The following SP140 variants were observed in gnomAD, a reference collection of about 807,000 sequenced individuals.
The protein encoded by SP140 is SP140 nuclear body protein.
A neutral mutation model predicts 125.0 loss-of-function variants in SP140; 81 were observed. The ratio of observed to expected loss-of-function variants is 0.65; its 90% CI spans 0.54 to 0.78. The LOEUF (loss-of-function observed/expected upper bound fraction) is 0.78, where lower values mean the gene tolerates loss of function less well. SP140 is among the 30% of genes least tolerant of loss of function. SP140 has a pLI of 0.00. For missense variants in SP140, 858 were observed against 1,037.0 expected, an observed-to-expected ratio of 0.83 and a Z score of 2.37; for synonymous variants, 312 against 354.0, an observed-to-expected ratio of 0.88 and a Z score of 1.33.
upstream of SP140, among the ~76,000 whole-genome samples, chr2:230,224,651 T>G (rs2046117291): frequency 6.6e-6 from 1 of 152,174 alleles, no homozygotes; most frequent in African/African-American, 2.4e-5. Flanking sequence ...GGGTAGAAAT[T>G]TCTTGCACTC....
At chr2:230,279,178 T>C (rs969397582) in intron 15 of SP140, among the ~76,000 whole-genome samples, 1 of 151,934 alleles carries the variant, frequency 6.6e-6, no homozygotes, top group African/African-American at 2.4e-5. Flanking sequence ...AATATACAAA[T>C]AAATGGAAAG....
At chr2:230,225,643 C>CCTCCCTTGACTGAGGA (rs1194010214), upstream of SP140, 1 of 631,364 alleles carries the variant, frequency 1.6e-6, no homozygotes, top group Non-Finnish European at 2.9e-6. Flanking sequence ...CTCTGCTCCT[C>CCTCCCTTGACTGAGGA]CTCCCTTGAC....
chr2:230,212,630 G>T (rs1467796279), intron 1 of SP140: 25 of 1,288,338 alleles, frequency 1.9e-5, no homozygotes, highest in Non-Finnish European at 2.6e-5. Context: ...CTTGAAAAGG[G>T]TTGTGTTTGG....
chr2:230,255,681 C>A, intron 12 of SP140, 149 bp downstream of exon 12: 1 of 698,240 alleles, frequency 1.4e-6, no homozygotes, highest in Non-Finnish European at 2.4e-6. Context: ...ATTTTCTGTA[C>A]ATGAATCTTT....
intron 11 of SP140, 77 bp downstream of exon 11, chr2:230,253,494 C>T (rs2149242136): frequency 1.9e-6 from 2 of 1,040,108 alleles, no homozygotes; most frequent in East Asian, 2.4e-5. Flanking sequence ...GCTTCCCTTT[C>T]TCCCATCCTA....
chr2:230,290,596 T>C, intron 19 of SP140, 32 bp downstream of exon 19: 1 of 1,528,768 alleles, frequency 6.5e-7, no homozygotes, highest in Non-Finnish European at 9.0e-7. Flanking sequence ...AATTTGCAGC[T>C]CCTATCTGAA....
chr2:230,187,944 C>CT, the SP140 span, among the ~76,000 whole-genome samples: 25 of 152,042 alleles, frequency 1.6e-4, no homozygotes, highest in African/African-American at 5.1e-4. Flanking sequence ...CAGATTTGTT[C>CT]TTTTTGCTTA....
chr2:230,236,355 A>G (rs1265182790), intron 1 of SP140, among the ~76,000 whole-genome samples: 1 of 152,210 alleles, frequency 6.6e-6, no homozygotes, highest in Non-Finnish European at 1.5e-5. Context: ...AGGTTCTGTA[A>G]TATCTCAGCC....
At chr2:230,294,403 G>A (rs1057405558) in intron 21 of SP140, 85 bp downstream of exon 21, 6 of 1,035,374 alleles carry the variant, frequency 5.8e-6, no homozygotes, top group Non-Finnish European at 8.9e-6. Flanking sequence ...GTCTGAAATT[G>A]GGTAGGAATA....
chr2:230,225,688 C>A, upstream of SP140: 1 of 699,142 alleles, frequency 1.4e-6, no homozygotes, highest in South Asian at 1.5e-5. Context: ...GGAGGGAGGA[C>A]TGTAGAGTTG....
At chr2:230,266,848 C>T (rs2053202275) in intron 12 of SP140, among the ~76,000 whole-genome samples, 1 of 152,334 alleles carries the variant, frequency 6.6e-6, no homozygotes, top group East Asian at 1.9e-4. Context: ...CTCTGACTTC[C>T]TCTTCTGCTG....
At chr2:230,270,754 C>T in intron 15 of SP140, 115 bp downstream of exon 15, 1 of 1,023,230 alleles carries the variant, frequency 9.8e-7, no homozygotes, top group Non-Finnish European at 1.5e-6. Context: ...CTGTGGTAGA[C>T]AGAAGGATGA....
At chr2:230,229,068 A>G (rs2046867116) in intron 1 of SP140, among the ~76,000 whole-genome samples, 1 of 152,002 alleles carries the variant, frequency 6.6e-6, no homozygotes, top group African/African-American at 2.4e-5. Context: ...AAACATTTTT[A>G]GTGGTTCCCT....
chr2:230,253,102 G>A (rs2050617574), intron 10 of SP140, among the ~76,000 whole-genome samples: 1 of 152,172 alleles, frequency 6.6e-6, no homozygotes, highest in Admixed American at 6.5e-5. Flanking sequence ...TTGGAGAGAA[G>A]ATCAGACAAT....
intron 3 of SP140, chr2:230,216,974 G>C (rs201785605): frequency 1.3e-6 from 2 of 1,569,546 alleles, no homozygotes; most frequent in South Asian, 1.1e-5. Context: ...GGCTGGGCGC[G>C]GTGGCTCATG....
intron 15 of SP140, among the ~76,000 whole-genome samples, chr2:230,273,472 AG>A (rs747859396): frequency 2.7e-4 from 41 of 152,342 alleles, no homozygotes; most frequent in Admixed American, 6.5e-4. Context: ...GTGGAGAAAA[AG>A]GAATGCTTAT....
At chr2:230,206,595 TTATATATATATATATA>T (rs56817002) in intron 1 of SP140, among the ~76,000 whole-genome samples, 5,322 of 70,536 alleles carry the variant, frequency 0.075, 657 homozygotes, top group African/African-American at 0.21. Context: ...GGTCCAGATT[TTATATATATATATATA>T]TATATATATA....
chr2:230,297,535 A>G, intron 22 of SP140, 73 bp downstream of exon 22: 1 of 1,544,786 alleles, frequency 6.5e-7, no homozygotes, highest in South Asian at 1.1e-5. Context: ...CTGTGTCATG[A>G]CTGCTGTTGC....
upstream of SP140, chr2:230,221,627 C>A: frequency 7.4e-7 from 1 of 1,358,198 alleles, no homozygotes; most frequent in Non-Finnish European, 1.0e-6. Flanking sequence ...CATGCAGTAA[C>A]ATACAGCGCT....
Sources: gnomAD v4.1 joint callset for allele counts (sites outside exome capture counted in the v4.1 genomes callset) on GRCh38, gnomAD v4.1.1 for gene constraint, MANE v1.5 for transcripts, NCBI Gene and HGNC (gene_info 2026-07-23, HGNC 2026-07-21) for gene names.